UQCC2: variants seen among roughly 807,000 people sequenced by gnomAD.
The protein encoded by UQCC2 is breast cancer-associated protein SGA-81M.
UQCC2 carries 21 observed loss-of-function variants against 19.9 expected under a neutral mutation model. The observed-to-expected ratio is 1.05, with a 90% CI of 0.75 to 1.52. The LOEUF is 1.52. UQCC2 is among the 40% of genes most tolerant of loss of function. The pLI, the probability that UQCC2 is intolerant of heterozygous loss-of-function variation, is 0.00. For missense variants in UQCC2, 135 were observed against 157.5 expected (o/e 0.86, Z 0.76); for synonymous variants, 57 against 60.9 (o/e 0.94, Z 0.30).
intron 1 of UQCC2, among the ~76,000 whole-genome samples, chr6:33,702,020 T>C (rs1057460542): frequency 2.0e-5 from 3 of 152,086 alleles, no homozygotes; most frequent in Admixed American, 6.6e-5. Context: ...TCTTTTGTTT[T>C]TTTTGAGACA....
At chr6:33,711,463 G>C (rs1582185824) in intron 1 of UQCC2, 86 bp downstream of exon 1, 1 of 1,489,620 alleles carries the variant, frequency 6.7e-7, no homozygotes, top group South Asian at 1.3e-5. Context: ...GCGCGCATGC[G>C]CAGATCCCCC....
chr6:33,701,468 C>T (rs1582180047), intron 1 of UQCC2, 48 bp from the exon 2 acceptor site: 3 of 1,575,604 alleles, frequency 1.9e-6, no homozygotes, highest in African/African-American at 1.4e-5. Flanking sequence ...AGTCCTGCCT[C>T]CCACAGTGTC....
Position 33,697,562 on chromosome 6 carries a change from G to A in UQCC2, c.*91C>T, listed in dbSNP as rs1457882601. 19 of 980,946 alleles carry A rather than the reference G, an allele frequency of 1.9e-5. No homozygotes were observed. Among genetic ancestry groups the A allele is most frequent in the Admixed American group, 7.6e-5 (3 of 39,240 alleles). 60.8% of individuals were successfully genotyped at this position (980,946 alleles called of 1,614,324 possible). ...GAAAGCTAGAGGAGATTCCCAAACC[G>A]TAAGGTCAAGGGGAAACTGGGGCAG... is the stretch of plus-strand genomic sequence containing the variant. On this transcript the variant is annotated 3_prime_UTR_variant, in exon 4 of 4. Transcript: ENST00000607484.
intron 1 of UQCC2, among the ~76,000 whole-genome samples, chr6:33,709,719 TC>T (rs1765743592): frequency 6.6e-6 from 1 of 152,024 alleles, no homozygotes; most frequent in African/African-American, 2.4e-5. Context: ...CTGGGCGTGC[TC>T]CTGCTCCTTT....
chr6:33,700,256 A>G (rs1321127410), intron 3 of UQCC2, among the ~76,000 whole-genome samples, 188 bp downstream of exon 3: 1 of 152,206 alleles, frequency 6.6e-6, no homozygotes, highest in Non-Finnish European at 1.5e-5. Context: ...TCTTTTTTAA[A>G]TAACGCCTTT....
chr6:33,698,075 C>T (rs540822655), intron 3 of UQCC2: 23 of 261,514 alleles, frequency 8.8e-5, no homozygotes, highest in South Asian at 4.0e-4. Context: ...CTGCGCTGTC[C>T]GCTGTGCAAC....
chr6:33,699,559 T>A (rs149117505), intron 3 of UQCC2, among the ~76,000 whole-genome samples: 1 of 152,088 alleles, frequency 6.6e-6, no homozygotes, highest in African/African-American at 2.4e-5. Context: ...AAATTGCCAA[T>A]AAAGTGATTC....
intron 1 of UQCC2, among the ~76,000 whole-genome samples, chr6:33,705,195 C>T (rs1387381805): frequency 2.6e-5 from 4 of 152,118 alleles, no homozygotes; most frequent in Admixed American, 2.6e-4. Context: ...CCACGCCTGG[C>T]TAATTTTTTG....
At position 33,697,552 on chromosome 6, in the gene UQCC2, T is replaced by C; in HGVS notation, c.*101A>G. 2.3e-6 allele frequency: 2 copies of C among 875,550 alleles called. No individual in the cohort carries two copies. The highest frequency in any genetic ancestry group is 2.7e-5 in the Admixed American group (1 of 36,806). 54.2% of individuals were successfully genotyped at this position (875,550 alleles called of 1,614,324 possible). On this transcript the variant is annotated 3_prime_UTR_variant, in exon 4 of 4. Coordinates refer to ENST00000607484, the MANE Select transcript of UQCC2 (RefSeq NM_032340.4). ...TCCTTTCTGGGAAAGCTAGAGGAGATTCCCAAACCGTAAGGTCAAGGGGAA... is the reference window on the plus strand; with the variant it reads ...TCCTTTCTGGGAAAGCTAGAGGAGACTCCCAAACCGTAAGGTCAAGGGGAA...
In UQCC2 at chr6:33,711,612, C is replaced by T; in HGVS notation, c.75G>A (p.Arg25=). 2 of 1,614,050 alleles carry T rather than the reference C, an allele frequency of 1.2e-6. No homozygotes were observed. The highest frequency in any genetic ancestry group is 1.7e-6 in the Non-Finnish European group (2 of 1,179,948). ...GCTGTCGCAGGTAAGCGCCCAAGTC[C>T]CGGCCCCGTTTGGTCTCGTCCACTG... ...EWPVDETKRG[R]DLGAYLRQRV... The change falls in exon 1 of 4, where the codon CGG becomes CGA. Residue 25 remains arginine, a synonymous_variant. Coordinates refer to ENST00000607484, the MANE Select transcript of UQCC2 (RefSeq NM_032340.4).
intron 1 of UQCC2, among the ~76,000 whole-genome samples, chr6:33,704,732 C>T (rs1582181944): frequency 6.6e-6 from 1 of 152,200 alleles, no homozygotes. Flanking sequence ...TCCTGATAAA[C>T]CTGCATTCTG....
chr6:33,708,253 A>C (rs1331367333), intron 1 of UQCC2, among the ~76,000 whole-genome samples: 2 of 152,204 alleles, frequency 1.3e-5, no homozygotes, highest in Admixed American at 6.5e-5. Context: ...CGTTCATGGA[A>C]TAAGAGGTTG....
intron 3 of UQCC2, chr6:33,698,609 G>A (rs953518258): frequency 6.6e-6 from 1 of 152,212 alleles, no homozygotes; most frequent in African/African-American, 2.4e-5. Flanking sequence ...AGGAACCAAA[G>A]CAGGGTTTCT....
chr6:33,701,476 G>A, intron 1 of UQCC2, 56 bp from the exon 2 acceptor site: 1 of 1,541,768 alleles, frequency 6.5e-7, no homozygotes, highest in Non-Finnish European at 8.9e-7. Flanking sequence ...CTCCCACAGT[G>A]TCTGTACCTT....
intron 1 of UQCC2, among the ~76,000 whole-genome samples, chr6:33,703,332 T>C (rs1765662208): frequency 6.6e-6 from 1 of 152,046 alleles, no homozygotes; most frequent in African/African-American, 2.4e-5. Flanking sequence ...CCCAGCTAAT[T>C]TTGTGTATTT....
At chr6:33,710,910 C>T (rs775214394) in intron 1 of UQCC2, among the ~76,000 whole-genome samples, 4 of 152,188 alleles carry the variant, frequency 2.6e-5, no homozygotes, top group Non-Finnish European at 5.9e-5. Flanking sequence ...AGCTGAGGAC[C>T]CAAACCTGCT....
chr6:33,706,001 A>G (rs1765693858), intron 1 of UQCC2, among the ~76,000 whole-genome samples: 1 of 152,136 alleles, frequency 6.6e-6, no homozygotes, highest in Admixed American at 6.5e-5. Flanking sequence ...CTCCTTTTGC[A>G]TTTCCCCTGT....
intron 3 of UQCC2, 114 bp downstream of exon 3, chr6:33,700,330 T>C (rs543528839): frequency 7.9e-6 from 9 of 1,146,458 alleles, no homozygotes; most frequent in Admixed American, 3.5e-5. Flanking sequence ...TCCTCTGGGC[T>C]GTTCTACAAG....
chr6:33,699,186 C>T (rs1383950948), intron 3 of UQCC2, among the ~76,000 whole-genome samples: 1 of 152,210 alleles, frequency 6.6e-6, no homozygotes, highest in Non-Finnish European at 1.5e-5. Context: ...CAGGTCTTTT[C>T]TTGTCCTGTC....
Sources: gnomAD v4.1 joint callset for allele counts (sites outside exome capture counted in the v4.1 genomes callset) on GRCh38, gnomAD v4.1.1 for gene constraint, MANE v1.5 for transcripts, NCBI Gene and HGNC (gene_info 2026-07-23, HGNC 2026-07-21) for gene names.